The following CAMK2D variants were observed in gnomAD, a reference collection of about 807,000 sequenced individuals.
The protein encoded by CAMK2D is calcium/calmodulin dependent protein kinase II delta.
Under a neutral mutation model 84.0 loss-of-function variants are expected in CAMK2D, and 37 were observed. The ratio of observed to expected loss-of-function variants is 0.44; its 90% CI spans 0.34 to 0.58. CAMK2D has a LOEUF of 0.58. Ranked by LOEUF, CAMK2D falls within the 20% of genes least tolerant of loss-of-function variation. The pLI is 0.02. For missense variants in CAMK2D, 448 were observed against 652.5 expected, an observed-to-expected ratio of 0.69 and a Z score of 3.41; for synonymous variants, 202 against 212.5, an observed-to-expected ratio of 0.95 and a Z score of 0.43.
intron 4 of CAMK2D, among the ~76,000 whole-genome samples, chr4:113,571,435 T>C (rs2098753055): frequency 6.6e-6 from 1 of 152,104 alleles, no homozygotes; most frequent in East Asian, 1.9e-4. Flanking sequence ...ATAAAGACAA[T>C]GGAATACTAT....
At chr4:113,504,934 A>T (rs77602895) in intron 14 of CAMK2D, 42 bp downstream of exon 14, 1 of 1,121,290 alleles carries the variant, frequency 8.9e-7, no homozygotes, top group Non-Finnish European at 1.2e-6. Flanking sequence ...AAAAAAAAAA[A>T]TGTAAAGAAC....
At chr4:113,466,371 T>G (rs528180825) in intron 16 of CAMK2D, among the ~76,000 whole-genome samples, 108 of 152,244 alleles carry the variant, frequency 7.1e-4, no homozygotes, top group South Asian at 4.1e-3. Context: ...AGTTAACAAG[T>G]GTTATTAAAA....
intron 4 of CAMK2D, among the ~76,000 whole-genome samples, chr4:113,561,913 T>G (rs2098700428): frequency 6.6e-6 from 1 of 152,194 alleles, no homozygotes; most frequent in Non-Finnish European, 1.5e-5. Context: ...GATTTCTTAT[T>G]TTTTACTGGC....
At chr4:113,681,783 C>T (rs1403522635) in intron 2 of CAMK2D, among the ~76,000 whole-genome samples, 1 of 152,038 alleles carries the variant, frequency 6.6e-6, no homozygotes, top group Non-Finnish European at 1.5e-5. Flanking sequence ...ATCAAACTCT[C>T]TACTGATATT....
intron 16 of CAMK2D, among the ~76,000 whole-genome samples, chr4:113,470,019 CTT>C (rs1391828015): frequency 6.6e-6 from 1 of 152,072 alleles, no homozygotes; most frequent in Non-Finnish European, 1.5e-5. Flanking sequence ...CTCTCTCTCT[CTT>C]TCTTTTTTTT....
chr4:113,543,786 T>G (rs1211656652), intron 6 of CAMK2D, among the ~76,000 whole-genome samples: 1 of 151,322 alleles, frequency 6.6e-6, no homozygotes, highest in Non-Finnish European at 1.5e-5. Context: ...ATTTATTTAT[T>G]TATTTATTTA....
In CAMK2D at chr4:113,494,848, C is replaced by T. The variant is rs552489161; in HGVS notation, c.1135+5615G>A. On this transcript the variant is annotated intron_variant, in intron 16 of 20. Transcript: ENST00000511664. Reference sequence around the variant, plus strand: ...TGCGGGATATAATCTCCTGGTGCGCCGTTTTTTAAGCCCGTCGGAAAAGCG... The same window carrying T: ...TGCGGGATATAATCTCCTGGTGCGCTGTTTTTTAAGCCCGTCGGAAAAGCG... 4.5e-4 allele frequency among the ~76,000 whole-genome samples: 68 copies of T among 152,332 alleles called. No individual in the cohort carries two copies. The East Asian group carries it at 0.012, about 26-fold the overall frequency.
chr4:113,684,396 C>T lies in CAMK2D; in HGVS notation c.161-22624G>A, dbSNP rs189955279. Among the ~76,000 whole-genome samples, 55 of 152,134 alleles carry T rather than the reference C, an allele frequency of 3.6e-4. 1 individual carries two copies. Among genetic ancestry groups the T allele is most frequent in the Non-Finnish European group, 5.6e-4 (38 of 67,974 alleles). On this transcript the variant is annotated intron_variant, in intron 2 of 20. Transcript: ENST00000511664. ...TCTCTTAGGCAAACTCATATACATG[C>T]CAGAATATAAGACATAAAAACAAAT...
At chr4:113,509,771 T>G (rs2098185414) in intron 12 of CAMK2D, 96 bp from the exon 13 acceptor site, 3 of 864,134 alleles carry the variant, frequency 3.5e-6, no homozygotes, top group Non-Finnish European at 3.9e-6. Context: ...TCTACCACCT[T>G]TGCTGAGTTC....
chr4:113,559,465 T>C (rs1188817066), intron 4 of CAMK2D, among the ~76,000 whole-genome samples: 1 of 152,198 alleles, frequency 6.6e-6, no homozygotes, highest in Non-Finnish European at 1.5e-5. Flanking sequence ...TAGAGAAAAA[T>C]TATAATCACT....
intron 2 of CAMK2D, among the ~76,000 whole-genome samples, chr4:113,670,492 CA>C (rs2099276300): frequency 6.6e-6 from 1 of 151,338 alleles, no homozygotes; most frequent in Admixed American, 6.6e-5. Flanking sequence ...AAAATTATTC[CA>C]ATTATACTAT....
At chr4:113,744,738 A>G (rs1260007465) in intron 2 of CAMK2D, among the ~76,000 whole-genome samples, 1 of 152,208 alleles carries the variant, frequency 6.6e-6, no homozygotes, top group East Asian at 1.9e-4. Flanking sequence ...GGTCACAAGA[A>G]CTTGGAAGTG....
chr4:113,665,202 A>G (rs537913652), intron 2 of CAMK2D, among the ~76,000 whole-genome samples: 1 of 152,338 alleles, frequency 6.6e-6, no homozygotes, highest in African/African-American at 2.4e-5. Flanking sequence ...GTGATCTTCT[A>G]TGAATCATAG....
At chr4:113,696,962 A>G (rs895307089) in intron 2 of CAMK2D, among the ~76,000 whole-genome samples, 3 of 152,122 alleles carry the variant, frequency 2.0e-5, no homozygotes, top group Non-Finnish European at 4.4e-5. Context: ...TTGAGGTAGT[A>G]TGAAAAGCAG....
intron 4 of CAMK2D, among the ~76,000 whole-genome samples, chr4:113,558,313 C>A (rs1347671463): frequency 6.6e-6 from 1 of 152,054 alleles, no homozygotes; most frequent in Non-Finnish European, 1.5e-5. Flanking sequence ...GTTTTTAATT[C>A]TTGAAGTCAT....
At chr4:113,585,752 A>G (rs1211147778) in intron 4 of CAMK2D, among the ~76,000 whole-genome samples, 14 of 151,806 alleles carry the variant, frequency 9.2e-5, no homozygotes, top group Non-Finnish European at 1.0e-4. Context: ...AGTATATAGT[A>G]TAGTATAGAT....
intron 1 of CAMK2D, 137 bp from the exon 2 acceptor site, chr4:113,759,551 TC>T (rs923365081): frequency 2.3e-6 from 1 of 442,444 alleles, no homozygotes; most frequent in African/African-American, 2.0e-5. Context: ...GAACAATTCT[TC>T]CTGGAAACCC....
At chr4:113,547,789 T>A in intron 5 of CAMK2D, 73 bp from the exon 6 acceptor site, 1 of 919,276 alleles carries the variant, frequency 1.1e-6, no homozygotes, top group Non-Finnish European at 1.6e-6. Context: ...TCAGAGAGAC[T>A]GGGTTAAAGT....
intron 2 of CAMK2D, among the ~76,000 whole-genome samples, chr4:113,674,497 C>T: frequency 6.6e-6 from 1 of 152,088 alleles, no homozygotes; most frequent in East Asian, 1.9e-4. Flanking sequence ...TGGCTTGATG[C>T]CCACAGTTTA....
Sources: allele counts gnomAD v4.1 joint callset (sites outside exome capture counted in the v4.1 genomes callset), GRCh38; gene constraint gnomAD v4.1.1; transcripts MANE v1.5; gene names NCBI Gene and HGNC (gene_info 2026-07-23, HGNC 2026-07-21).